SMARCA2: variants seen among roughly 807,000 people sequenced by gnomAD.
SMARCA2 encodes the protein SWI/SNF related BAF chromatin remodeling complex subunit ATPase 2, also known as SWI/SNF-related matrix-associated actin-dependent regulator of chromatin subfamily A member 2.
Under a neutral mutation model 199.8 loss-of-function variants are expected in SMARCA2, and 61 were observed. That is an observed-to-expected ratio of 0.31 (90% CI 0.25 to 0.38). The LOEUF (loss-of-function observed/expected upper bound fraction) is 0.38. Among genes scored for constraint, SMARCA2 ranks in the 10% least tolerant of loss-of-function variants. SMARCA2 has a pLI of 1.00. For synonymous variants in SMARCA2, 935 were observed against 732.0 expected (o/e 1.28, Z -4.48); for missense variants, 1,344 against 2,012.2 (o/e 0.67, Z 6.35).
At chr9:2,073,651 A>T (rs1001737761) in intron 12 of SMARCA2, 28 bp downstream of exon 12, 1 of 1,550,526 alleles carries the variant, frequency 6.4e-7, no homozygotes. Context: ...TTTGGGGTTT[A>T]TTGGTTTGAA....
chr9:2,060,983 G>A lies in SMARCA2; in HGVS notation c.1689G>A (p.Lys563=), dbSNP rs1355196532. ...AKEKKKRRRR[K]KKAEENAEGG... ...AGAAGAAGAAGAGGAGGAGGAGGAA[G>A]AAGGTGCGTATCCTAGTGGTGGTGG... is the stretch of plus-strand genomic sequence containing the variant. Residue 563 remains lysine (K), a synonymous_variant, in exon 9 of 34, where the codon AAG becomes AAA. Transcript: ENST00000349721. 1.9e-6 allele frequency: 3 copies of A among 1,613,370 alleles called. No individual in the cohort carries two copies. The highest frequency in any genetic ancestry group is 2.7e-5 in the African/African-American group (2 of 75,050).
chr9:2,161,311 T>A lies in SMARCA2; in HGVS notation c.3982-375T>A, dbSNP rs1473904555. On this transcript the variant is annotated intron_variant, in intron 27 of 33. Coordinates refer to ENST00000349721, the MANE Select transcript of SMARCA2 (RefSeq NM_003070.5). This position sits in a 1 kb window ranked among gnomAD's most constrained non-coding sequence, Gnocchi z 4.7. ...CCCACCCCTCGTTTTGTTTACCTTT[T>A]CCTTCCCTTACAGTAATGAGAACAT... Among the ~76,000 whole-genome samples the A allele has an allele frequency of 6.6e-6, 1 of 152,228 alleles. No homozygotes were observed. Among genetic ancestry groups the A allele is most frequent in the African/African-American group, 2.4e-5 (1 of 41,454 alleles).
chr9:2,086,771 G>A lies in SMARCA2; in HGVS notation c.2527-58G>A. 1 of 1,597,690 alleles carries A rather than the reference G, an allele frequency of 6.3e-7. No individual in the cohort carries two copies. The highest frequency in any genetic ancestry group is 1.1e-5 in the South Asian group (1 of 89,958). The stretch of plus-strand genomic sequence containing the variant: ...TTTTCCGCACCACCACTTGCTTGTT[G>A]GAAATAGTTGTATTTTCCCTTGCTT... On this transcript the variant is annotated intron_variant, in intron 17 of 33. Coordinates refer to ENST00000349721, the MANE Select transcript of SMARCA2 (RefSeq NM_003070.5). This position sits in a 1 kb window ranked among gnomAD's most constrained non-coding sequence, Gnocchi z 4.3.
Position 2,110,475 on chromosome 9 carries a change from TCA to T in SMARCA2, c.3456+59_3456+60del. ...CCTCTGGAGAGCAACTAAAAGATGA[TCA>T]GTTTCATTATTCACATTTACAGGAC... is the stretch of plus-strand genomic sequence containing the variant. On this transcript the variant is annotated intron_variant, in intron 24 of 33. Coordinates refer to ENST00000349721, the MANE Select transcript of SMARCA2 (RefSeq NM_003070.5). The surrounding 1 kb of genome is among the most constrained non-coding windows in gnomAD (Gnocchi z 4.8). 2.2e-6 allele frequency: 3 copies of T among 1,364,832 alleles called. No individual in the cohort carries two copies. The highest frequency in any genetic ancestry group is 3.0e-6 in the Non-Finnish European group (3 of 1,001,208). The allele number at this position is 1,364,832 out of a possible 1,614,324, so 84.5% of individuals were successfully genotyped here.
intron 19 of SMARCA2, among the ~76,000 whole-genome samples, chr9:2,090,689 T>C (rs970602931): frequency 5.3e-5 from 8 of 152,170 alleles, no homozygotes; most frequent in African/African-American, 1.9e-4. Context: ...GGAGTTCCAT[T>C]TTCCTATTCT....
chr9:2,155,572 C>T (rs368784057), intron 27 of SMARCA2, among the ~76,000 whole-genome samples: 31 of 152,236 alleles, frequency 2.0e-4, no homozygotes, highest in African/African-American at 4.8e-4. Context: ...TGAGCCACTG[C>T]GCGGGGGCAT....
chr9:2,179,554 A>C (rs901905049), intron 29 of SMARCA2, among the ~76,000 whole-genome samples: 2 of 152,146 alleles, frequency 1.3e-5, no homozygotes, highest in African/African-American at 4.8e-5. Flanking sequence ...TGGGGTTTAG[A>C]ATTTTTAGGG....
At chr9:2,083,478 C>A (rs758427102) in intron 16 of SMARCA2, 65 bp downstream of exon 16, 133 of 960,654 alleles carry the variant, frequency 1.4e-4, no homozygotes, top group Non-Finnish European at 2.1e-4. Flanking sequence ...TTTCTTCATT[C>A]CATATGCACA....
Position 2,088,502 on chromosome 9 carries a change from G to A in SMARCA2, c.2772G>A (p.Val924=), listed in dbSNP as rs148034194. ...NAPFAMTGER[V]DLNEEETILI... ...TTCATAATAAGCCTCTCTTACAGGT[G>A]GACTTAAATGAAGAAGAAACTATAT... The change falls in exon 19 of 34, where the codon GTG becomes GTA. Residue 924 remains valine (V), a splice_region_variant and synonymous_variant. Transcript: ENST00000349721. 2.6e-5 allele frequency: 41 copies of A among 1,573,324 alleles called. No individual in the cohort carries two copies. Among genetic ancestry groups the A allele is most frequent in the East Asian group, 1.4e-4 (6 of 44,130 alleles).
At chr9:2,138,930 C>T (rs773468182) in intron 27 of SMARCA2, among the ~76,000 whole-genome samples, 4 of 152,068 alleles carry the variant, frequency 2.6e-5, no homozygotes, top group Non-Finnish European at 4.4e-5. Context: ...TGTTCTTAGC[C>T]GGAGTTTCTT....
chr9:2,149,246 G>A (rs144410990), intron 27 of SMARCA2, among the ~76,000 whole-genome samples: 1,792 of 151,322 alleles, frequency 0.012, 56 homozygotes, highest in African/African-American at 0.041. Flanking sequence ...GGCTGGGTGT[G>A]GTGGCTCACA....
At chr9:2,036,175 A>C (rs1819321514) in intron 3 of SMARCA2, among the ~76,000 whole-genome samples, 2 of 150,558 alleles carry the variant, frequency 1.3e-5, no homozygotes, top group Admixed American at 1.3e-4. Flanking sequence ...ATATATTTAA[A>C]TAGTGTGTGT....
rs182591635 is a variant in SMARCA2, at chr9:2,175,950, G to A, written c.4253+5478G>A. Among the ~76,000 whole-genome samples, 112 of 151,944 alleles carry A rather than the reference G, an allele frequency of 7.4e-4. 2 individuals are homozygous for A. The highest frequency in any genetic ancestry group is 2.0e-4 in the Admixed American group (3 of 15,258). On this transcript the variant is annotated intron_variant, in intron 29 of 33. Transcript: ENST00000349721. The stretch of plus-strand genomic sequence containing the variant: ...GCTGGAGTGCAAATGGCACAATCTC[G>A]GCTCTCTGCAACCTCCGTCTCCTGG...
chr9:2,114,551 C>T (rs764960241), intron 24 of SMARCA2, among the ~76,000 whole-genome samples: 2 of 152,126 alleles, frequency 1.3e-5, no homozygotes, highest in African/African-American at 4.8e-5. Flanking sequence ...TCTATACAGT[C>T]TAATGGGAGA....
Position 2,056,159 on chromosome 9 carries a change from G to C in SMARCA2, c.1174-513G>C, listed in dbSNP as rs1820345059. Among the ~76,000 whole-genome samples, 1 of 152,158 alleles carries C rather than the reference G, an allele frequency of 6.6e-6. No individual in the cohort carries two copies. The highest frequency in any genetic ancestry group is 6.5e-5 in the Admixed American group (1 of 15,286). ...AAGATCATTATTGGAGTGGGAAGAA[G>C]CCAAAACTCATATTTCCCATCCTTT... On this transcript the variant is annotated intron_variant, in intron 6 of 33. Transcript: ENST00000349721. This position sits in a 1 kb window ranked among gnomAD's most constrained non-coding sequence, Gnocchi z 4.0.
intron 29 of SMARCA2, among the ~76,000 whole-genome samples, chr9:2,175,692 A>G (rs1294469967): frequency 2.6e-5 from 4 of 152,240 alleles, no homozygotes; most frequent in African/African-American, 9.6e-5. Flanking sequence ...ATTTATGGAT[A>G]AAATGGTTCT....
intron 10 of SMARCA2, among the ~76,000 whole-genome samples, chr9:2,071,776 G>C (rs1367202846): frequency 1.3e-5 from 2 of 152,132 alleles, no homozygotes; most frequent in Non-Finnish European, 2.9e-5. Context: ...TATTATAATG[G>C]TTCATGATAA....
chr9:2,028,752 A>G (rs1456378196), intron 1 of SMARCA2, among the ~76,000 whole-genome samples: 1 of 152,118 alleles, frequency 6.6e-6, no homozygotes, highest in East Asian at 1.9e-4. Flanking sequence ...ATCTTAGATG[A>G]TTTATATTTT....
chr9:2,167,130 C>G (rs1350083603), intron 28 of SMARCA2, among the ~76,000 whole-genome samples: 1 of 152,138 alleles, frequency 6.6e-6, no homozygotes, highest in Non-Finnish European at 1.5e-5. Context: ...CATTTTTGTG[C>G]TCTGTGATTT....
Sources: gnomAD v4.1 joint callset for allele counts (sites outside exome capture counted in the v4.1 genomes callset) on GRCh38, gnomAD v4.1.1 for gene constraint, Gnocchi (gnomAD v3.1) non-coding constraint, MANE v1.5 for transcripts, NCBI Gene and HGNC (gene_info 2026-07-23, HGNC 2026-07-21) for gene names.